Variants in DCDC2 observed in about 807,000 individuals in gnomAD.
The protein encoded by DCDC2 is doublecortin domain containing 2, also known as doublecortin domain-containing protein 2.
Under a neutral mutation model 50.2 loss-of-function variants are expected in DCDC2, and 40 were observed. The ratio of observed to expected loss-of-function variants is 0.80; its 90% confidence interval spans 0.62 to 1.04. The LOEUF (loss-of-function observed/expected upper bound fraction) is 1.04. Ranked by LOEUF, DCDC2 falls within the 50% of genes least tolerant of loss-of-function variation. DCDC2 has a pLI of 0.00. For missense variants in DCDC2, 570 were observed against 581.9 expected, an observed-to-expected ratio of 0.98 and a Z score of 0.21; for synonymous variants, 234 against 210.6, an observed-to-expected ratio of 1.11 and a Z score of -0.96.
chr6:24,285,845 G>A (rs548765377), intron 6 of DCDC2, among the ~76,000 whole-genome samples: 1 of 152,246 alleles, frequency 6.6e-6, no homozygotes, highest in Non-Finnish European at 1.5e-5. Context: ...CTTTCCCTGT[G>A]ACTTGGGATC....
chr6:24,223,370 C>T (rs1762158143), intron 7 of DCDC2, among the ~76,000 whole-genome samples: 1 of 152,188 alleles, frequency 6.6e-6, no homozygotes, highest in Non-Finnish European at 1.5e-5. Flanking sequence ...GTGAGTGAGG[C>T]TAACTCTACG....
intron 5 of DCDC2, 72 bp downstream of exon 5, chr6:24,290,860 T>C (rs1763727571): frequency 1.6e-6 from 2 of 1,276,380 alleles, no homozygotes; most frequent in Non-Finnish European, 1.1e-6. Flanking sequence ...AATATAATGG[T>C]GGTCAGCAAA....
chr6:24,241,717 G>A (rs1762566088), intron 7 of DCDC2, among the ~76,000 whole-genome samples: 1 of 152,168 alleles, frequency 6.6e-6, no homozygotes, highest in African/African-American at 2.4e-5. Context: ...ATCTTATTTA[G>A]ATAAGCCACC....
chr6:24,185,567 A>G (rs1002222210), intron 8 of DCDC2, among the ~76,000 whole-genome samples: 3 of 152,184 alleles, frequency 2.0e-5, no homozygotes, highest in East Asian at 1.9e-4. Context: ...ATGAAAAGCA[A>G]TGTGCTTTTT....
intron 9 of DCDC2, among the ~76,000 whole-genome samples, chr6:24,175,527 G>C (rs958585919): frequency 3.9e-5 from 6 of 152,126 alleles, no homozygotes; most frequent in Non-Finnish European, 7.4e-5. Flanking sequence ...AGTAGCTCCA[G>C]GTTCCCCAAA....
At chr6:24,351,034 T>C (rs1482942535) in intron 2 of DCDC2, among the ~76,000 whole-genome samples, 1 of 152,126 alleles carries the variant, frequency 6.6e-6, no homozygotes, top group Admixed American at 6.6e-5. Flanking sequence ...CACAGTATAA[T>C]TAGGTTCTCA....
chr6:24,198,102 G>A (rs973742759), intron 8 of DCDC2, among the ~76,000 whole-genome samples: 2 of 152,050 alleles, frequency 1.3e-5, no homozygotes, highest in Non-Finnish European at 2.9e-5. Flanking sequence ...GCAAATATTT[G>A]ACTTACATTT....
At chr6:24,325,147 G>A (rs753257551) in intron 2 of DCDC2, among the ~76,000 whole-genome samples, 6 of 130,708 alleles carry the variant, frequency 4.6e-5, no homozygotes, top group Non-Finnish European at 8.8e-5. Flanking sequence ...CCAGAGCCCC[G>A]TGGTCAAAAC....
At chr6:24,269,719 A>C (rs1259043868) in intron 7 of DCDC2, among the ~76,000 whole-genome samples, 2 of 152,142 alleles carry the variant, frequency 1.3e-5, no homozygotes, top group African/African-American at 2.4e-5. Context: ...TGTTTAAGTA[A>C]CTGTTTTAAA....
chr6:24,208,394 G>A (rs1327944773), intron 7 of DCDC2, among the ~76,000 whole-genome samples: 2 of 106,734 alleles, frequency 1.9e-5, no homozygotes, highest in Admixed American at 2.4e-4. Flanking sequence ...TTTTTGAGAT[G>A]GAGTCTCACT....
chr6:24,184,540 C>G (rs1234086841), intron 8 of DCDC2, among the ~76,000 whole-genome samples: 2 of 151,362 alleles, frequency 1.3e-5, no homozygotes, highest in Non-Finnish European at 2.9e-5. Context: ...CACTGCACTC[C>G]AGCCTGGGCC....
chr6:24,368,120 G>A, the DCDC2 span, among the ~76,000 whole-genome samples: 5 of 151,452 alleles, frequency 3.3e-5, no homozygotes, highest in Admixed American at 6.6e-5. Context: ...CTCATTTCTG[G>A]ACTTCAGTTA....
At chr6:24,202,106 AAAG>A (rs1055019702) in intron 8 of DCDC2, among the ~76,000 whole-genome samples, 1 of 152,226 alleles carries the variant, frequency 6.6e-6, no homozygotes, top group African/African-American at 2.4e-5. Context: ...AACAATAGAA[AAAG>A]AAGGACTCCT....
intron 7 of DCDC2, among the ~76,000 whole-genome samples, chr6:24,209,044 C>A (rs1012108987): frequency 6.6e-6 from 1 of 152,070 alleles, no homozygotes; most frequent in Non-Finnish European, 1.5e-5. Context: ...CAAAGAATTG[C>A]CAACAAGGCC....
intron 7 of DCDC2, among the ~76,000 whole-genome samples, chr6:24,208,502 C>T (rs1761776739): frequency 6.6e-6 from 1 of 151,572 alleles, no homozygotes; most frequent in Admixed American, 6.6e-5. Context: ...TCCCAAGTAG[C>T]TGGGATTACA....
chr6:24,363,184 G>A, the DCDC2 span, among the ~76,000 whole-genome samples: 1 of 152,166 alleles, frequency 6.6e-6, no homozygotes, highest in Non-Finnish European at 1.5e-5. Flanking sequence ...TTAAAGAAGT[G>A]TTGCTGTGCA....
intron 7 of DCDC2, among the ~76,000 whole-genome samples, chr6:24,227,300 C>T (rs369141983): frequency 2.8e-4 from 42 of 152,286 alleles, no homozygotes; most frequent in Non-Finnish European, 5.6e-4. Flanking sequence ...GTGAAAATTA[C>T]AAAGTCTTCC....
At position 24,288,851 on chromosome 6, in the gene DCDC2, C is replaced by A; in HGVS notation, c.759+1G>T. The A allele has an allele frequency of 6.2e-7, 1 of 1,611,348 alleles. No homozygotes were observed. Among genetic ancestry groups the A allele is most frequent in the Non-Finnish European group, 8.5e-7 (1 of 1,177,876 alleles). ...CAACGAGGAAAGCATCTGATACTTA[C>A]ACTCCCTTTAGACTTTCTGGATCCT... On this transcript the variant is annotated splice_donor_variant, in intron 6 of 9. Transcript: ENST00000378454. LOFTEE classifies it high-confidence loss of function.
chr6:24,337,782 A>G (rs905054469), intron 2 of DCDC2, among the ~76,000 whole-genome samples: 4 of 137,406 alleles, frequency 2.9e-5, no homozygotes, highest in African/African-American at 1.1e-4. Context: ...TGGGCCATAG[A>G]GCAAGACTCC....
Sources: allele counts gnomAD v4.1 joint callset (sites outside exome capture counted in the v4.1 genomes callset), GRCh38; gene constraint gnomAD v4.1.1; transcripts MANE v1.5; gene names NCBI Gene and HGNC (gene_info 2026-07-23, HGNC 2026-07-21).